PHEX: variants seen among roughly 807,000 people sequenced by gnomAD.
The protein encoded by PHEX is phosphate-regulating neutral endopeptidase PHEX.
A neutral mutation model predicts 68.0 loss-of-function variants in PHEX; 16 were observed. The ratio of observed to expected loss-of-function variants is 0.24; its 90% CI spans 0.16 to 0.36. The LOEUF (loss-of-function observed/expected upper bound fraction) is 0.36, where lower values mean the gene tolerates loss of function less well. PHEX is among the 10% of genes least tolerant of loss of function. The pLI, the probability that PHEX is intolerant of heterozygous loss-of-function variation, is 1.00. For missense variants in PHEX, 480 were observed against 575.5 expected (o/e 0.83, Z 1.70); for synonymous variants, 208 against 205.1 (o/e 1.01, Z -0.12).
At chrX:22,102,077 C>T (rs1416894363) in intron 9 of PHEX, among the ~76,000 whole-genome samples, 1 of 111,794 alleles carries the variant, frequency 8.9e-6, no homozygotes, top group Non-Finnish European at 1.9e-5. Context: ...ACAAGCAATC[C>T]AATTATACTG....
chrX:22,147,910 G>GTTT (rs11393085), intron 12 of PHEX, among the ~76,000 whole-genome samples: 28 of 99,351 alleles, frequency 2.8e-4, no homozygotes, highest in African/African-American at 9.5e-4. Context: ...TTTGTGCTAT[G>GTTT]TTTTTTTTTT....
At chrX:22,204,792 G>T (rs192891679) in intron 15 of PHEX, among the ~76,000 whole-genome samples, 10 of 111,650 alleles carry the variant, frequency 9.0e-5, no homozygotes. Flanking sequence ...TTAGCAGAAG[G>T]TAACTACAAG....
chrX:22,117,555 G>C (rs2056623517), intron 11 of PHEX, among the ~76,000 whole-genome samples: 2 of 111,350 alleles, frequency 1.8e-5, no homozygotes, highest in Non-Finnish European at 3.8e-5. Flanking sequence ...CTCTGGGAAG[G>C]CTATAAAAAC....
At chrX:22,185,905 G>A (rs1308165692) in intron 14 of PHEX, among the ~76,000 whole-genome samples, 2 of 109,649 alleles carry the variant, frequency 1.8e-5, no homozygotes, top group Middle Eastern at 4.2e-3. Flanking sequence ...ACAGGTGCCC[G>A]CCACCACGCT....
At chrX:22,053,988 A>C (rs747813102) in intron 3 of PHEX, among the ~76,000 whole-genome samples, 1 of 111,790 alleles carries the variant, frequency 8.9e-6, no homozygotes, top group Non-Finnish European at 1.9e-5. Flanking sequence ...TCTTTTGCAG[A>C]CAATGGAAAT....
chrX:22,078,558 C>T (rs1929258215), intron 5 of PHEX, among the ~76,000 whole-genome samples: 2 of 111,580 alleles, frequency 1.8e-5, no homozygotes, highest in South Asian at 3.7e-4. Context: ...CATGTATTGC[C>T]CTCACCTCAT....
chrX:22,208,200 C>G (rs1352656488), intron 15 of PHEX, among the ~76,000 whole-genome samples: 4 of 111,453 alleles, frequency 3.6e-5, no homozygotes, highest in Non-Finnish European at 7.5e-5. Flanking sequence ...TGATTTTCTT[C>G]AAAAGGTAAC....
chrX:22,046,184 T>C (rs775473767), intron 2 of PHEX, among the ~76,000 whole-genome samples: 1 of 112,064 alleles, frequency 8.9e-6, no homozygotes, highest in South Asian at 3.7e-4. Flanking sequence ...CTTCTCTATG[T>C]GTCCTCTTGT....
intron 1 of PHEX, among the ~76,000 whole-genome samples, chrX:22,033,684 CAG>C (rs1360690932): frequency 8.9e-6 from 1 of 111,804 alleles, no homozygotes; most frequent in Non-Finnish European, 1.9e-5. Context: ...TGAAGGAAAA[CAG>C]AGGTTTTCCC....
At chrX:22,208,146 C>T (rs945332599) in intron 15 of PHEX, among the ~76,000 whole-genome samples, 11 of 105,152 alleles carry the variant, frequency 1.0e-4, no homozygotes, top group South Asian at 4.3e-4. Flanking sequence ...TAAAACATTA[C>T]GTTTATGTGT....
chrX:22,040,255 A>T (rs779614532), intron 2 of PHEX, among the ~76,000 whole-genome samples: 1 of 112,492 alleles, frequency 8.9e-6, no homozygotes, highest in South Asian at 3.7e-4. Context: ...AATTCACCAA[A>T]TATTTGTTGC....
chrX:22,082,739 T>C (rs1929448622), intron 5 of PHEX, among the ~76,000 whole-genome samples: 1 of 112,262 alleles, frequency 8.9e-6, no homozygotes, highest in Non-Finnish European at 1.9e-5. Flanking sequence ...ATTTTTTGTT[T>C]TTGTTGCAAT....
At chrX:22,039,741 G>T (rs144783024) in intron 2 of PHEX, among the ~76,000 whole-genome samples, 2,097 of 111,553 alleles carry the variant, frequency 0.019, 44 homozygotes, top group African/African-American at 0.065. Context: ...AATGTTCAAG[G>T]GTCCAGTCTG....
chrX:22,104,473 G>A (rs1165839722), intron 9 of PHEX, among the ~76,000 whole-genome samples: 3 of 111,289 alleles, frequency 2.7e-5, no homozygotes, highest in Non-Finnish European at 5.7e-5. Context: ...AGGAGGTAGT[G>A]ATGATCCCTC....
At chrX:22,140,144 G>A (rs936583202) in intron 12 of PHEX, among the ~76,000 whole-genome samples, 4 of 111,636 alleles carry the variant, frequency 3.6e-5, no homozygotes, top group Non-Finnish European at 7.5e-5. Flanking sequence ...GATTACAAGT[G>A]AAAATGTCCT....
intron 2 of PHEX, among the ~76,000 whole-genome samples, chrX:22,041,265 C>CTCTCTCTCTATATATATATATATA (rs1468778300): frequency 1.4e-5 from 1 of 72,825 alleles, no homozygotes; most frequent in African/African-American, 6.3e-5. Flanking sequence ...CTCTCTCTCT[C>CTCTCTCTCTATATATATATATATA]TATATATATA....
intron 15 of PHEX, among the ~76,000 whole-genome samples, chrX:22,212,589 A>G: frequency 8.9e-6 from 1 of 112,312 alleles, no homozygotes; most frequent in Non-Finnish European, 1.9e-5. Context: ...GGCCCTTTCT[A>G]TATCAGGCAA....
intron 15 of PHEX, among the ~76,000 whole-genome samples, chrX:22,200,327 G>A (rs1353585469): frequency 8.9e-6 from 1 of 112,428 alleles, no homozygotes; most frequent in East Asian, 2.8e-4. Context: ...TCACGTGATA[G>A]GCTGGGTGCA....
At chrX:22,095,191 T>G (rs1272602364) in intron 7 of PHEX, among the ~76,000 whole-genome samples, 5 of 111,556 alleles carry the variant, frequency 4.5e-5, no homozygotes. Flanking sequence ...AACTCCTACT[T>G]GCAGTGCAAA....
Sources: allele counts gnomAD v4.1 joint callset (sites outside exome capture counted in the v4.1 genomes callset), GRCh38; gene constraint gnomAD v4.1.1; transcripts MANE v1.5; gene names NCBI Gene and HGNC (gene_info 2026-07-23, HGNC 2026-07-21).